Variants in CSMD1 observed in about 807,000 individuals in gnomAD.
CSMD1 encodes CUB and sushi domain-containing protein 1.
CSMD1 carries 213 observed loss-of-function variants against 417.5 expected under a neutral mutation model. The ratio of observed to expected loss-of-function variants is 0.51; its 90% CI spans 0.46 to 0.57. CSMD1 has a LOEUF of 0.57. CSMD1 is among the 20% of genes least tolerant of loss of function. The pLI, the probability that CSMD1 is intolerant of heterozygous loss-of-function variation, is 0.00. For synonymous variants in CSMD1, 2,862 were observed against 1,736.8 expected (o/e 1.65, Z -16.11); for missense variants, 6,923 against 4,529.7 (o/e 1.53, Z -15.17).
intron 5 of CSMD1, among the ~76,000 whole-genome samples, chr8:3,780,884 G>C (rs145256390): frequency 1.0e-3 from 154 of 152,326 alleles, no homozygotes; most frequent in African/African-American, 3.5e-3. Flanking sequence ...GCAGAGTGTG[G>C]AAGGGGTTTA....
At chr8:3,957,960 T>C (rs1812078918) in intron 5 of CSMD1, among the ~76,000 whole-genome samples, 1 of 152,194 alleles carries the variant, frequency 6.6e-6, no homozygotes, top group Non-Finnish European at 1.5e-5. Context: ...ATAAAATATT[T>C]GAAAATATTT....
chr8:4,733,698 C>G (rs1399148629), intron 1 of CSMD1, among the ~76,000 whole-genome samples: 3 of 152,148 alleles, frequency 2.0e-5, no homozygotes, highest in Non-Finnish European at 4.4e-5. Context: ...TTTCCTTTCT[C>G]CTATCTATGA....
At chr8:4,909,489 G>C (rs1563738629) in intron 1 of CSMD1, among the ~76,000 whole-genome samples, 1 of 152,150 alleles carries the variant, frequency 6.6e-6, no homozygotes, top group Non-Finnish European at 1.5e-5. Flanking sequence ...CCTTCTAGCA[G>C]AGATTTTTCC....
chr8:4,261,079 G>C (rs555623572), intron 3 of CSMD1, among the ~76,000 whole-genome samples: 9 of 152,212 alleles, frequency 5.9e-5, no homozygotes, highest in Non-Finnish European at 1.2e-4. Context: ...CTTGTTTTGT[G>C]CTATATATAA....
chr8:3,694,163 C>G (rs1407235836), intron 7 of CSMD1, among the ~76,000 whole-genome samples: 1 of 151,800 alleles, frequency 6.6e-6, no homozygotes, highest in African/African-American at 2.4e-5. Flanking sequence ...GAGAGGGGCT[C>G]ACAGATCTCA....
intron 2 of CSMD1, among the ~76,000 whole-genome samples, chr8:4,503,545 A>AT (rs1417453494): frequency 6.6e-6 from 1 of 152,190 alleles, no homozygotes; most frequent in Non-Finnish European, 1.5e-5. Flanking sequence ...CCAATAAATG[A>AT]TTTTGTCAAA....
rs73496670 is a variant in CSMD1 at position 4,509,585 on chromosome 8, G to A, written c.303-89520C>T. On this transcript the variant is annotated intron_variant, in intron 2 of 69. Coordinates refer to ENST00000635120, the MANE Select transcript of CSMD1 (RefSeq NM_033225.6). ...GTCAGGAAAGCCAGTCCTGCAGAGC[G>A]AAAGCAGACACACCCCAGCCAAGTC... 6.8e-3 allele frequency among the ~76,000 whole-genome samples: 1,040 copies of A among 152,244 alleles called. 15 individuals are homozygous for A. Among genetic ancestry groups the A allele is most frequent in the African/African-American group, 0.024 (989 of 41,520 alleles).
intron 26 of CSMD1, among the ~76,000 whole-genome samples, chr8:3,271,440 A>T (rs1463791520): frequency 6.6e-6 from 1 of 151,092 alleles, no homozygotes; most frequent in Non-Finnish European, 1.5e-5. Flanking sequence ...TTGGGTATAT[A>T]CCCAGTAATG....
intron 3 of CSMD1, among the ~76,000 whole-genome samples, chr8:4,090,292 A>G (rs1800647835): frequency 6.6e-6 from 1 of 152,236 alleles, no homozygotes; most frequent in Non-Finnish European, 1.5e-5. Flanking sequence ...AAGGAAAGTT[A>G]AAGCCACTAG....
In CSMD1 at chr8:4,191,288, C is replaced by T. The variant is rs182840843; in HGVS notation, c.416-159189G>A. Among the ~76,000 whole-genome samples, 226 of 151,994 alleles carry T rather than the reference C, an allele frequency of 1.5e-3. 7 individuals are homozygous for T. The East Asian group carries it at 0.037, about 25-fold the overall frequency. On this transcript the variant is annotated intron_variant, in intron 3 of 69. Transcript: ENST00000635120. ...GCAGGCACCTGTAGTCCCAGCTACT[C>T]GGGAGGCTGAGGCAGGAGAATGGCG...
chr8:4,307,708 C>A (rs758330810), intron 3 of CSMD1, among the ~76,000 whole-genome samples: 4 of 152,106 alleles, frequency 2.6e-5, no homozygotes, highest in African/African-American at 9.7e-5. Flanking sequence ...CAGCACGATG[C>A]TCTTGACCAT....
In CSMD1 at chr8:3,206,285, ATG is replaced by A. The variant is rs1429304185; in HGVS notation, c.4868-667_4868-666del. Among the ~76,000 whole-genome samples the A allele has an allele frequency of 7.7e-5, 8 of 103,778 alleles. No individual in the cohort carries two copies. The South Asian group carries it at 1.0e-3, about 13-fold the overall frequency. The allele number at this position is 103,778 out of a possible 152,430, so 68.1% of individuals were successfully genotyped here. ...TGTGGGGGGGTATGTCTCTGTGTGT[ATG>A]TGTGTGTGTGGGGTGTGTGTGTATC... On this transcript the variant is annotated intron_variant, in intron 30 of 69. Coordinates refer to ENST00000635120, the MANE Select transcript of CSMD1 (RefSeq NM_033225.6).
rs35172369 is a variant in CSMD1 at position 4,136,858 on chromosome 8, G to A, written c.416-104759C>T. Among the ~76,000 whole-genome samples, 1,163 of 152,286 alleles carry A rather than the reference G, an allele frequency of 7.6e-3. 7 individuals are homozygous for A. The highest frequency in any genetic ancestry group is 0.013 in the Non-Finnish European group (900 of 68,026). ...TTGACAAACTCTAGGTTTGCTTTGT[G>A]ATTATTTACGAATTTCAGAGAACAG... On this transcript the variant is annotated intron_variant, in intron 3 of 69. Coordinates refer to ENST00000635120, the MANE Select transcript of CSMD1 (RefSeq NM_033225.6).
At position 3,052,594 on chromosome 8, in the gene CSMD1, C is replaced by T. The variant is rs532940488; in HGVS notation, c.7528G>A (p.Glu2510Lys). 17 of 1,611,932 alleles carry T rather than the reference C, an allele frequency of 1.1e-5. No individual in the cohort carries two copies. Among genetic ancestry groups the T allele is most frequent in the East Asian group, 8.9e-5 (4 of 44,790 alleles). Residue 2510 changes from glutamate (E) to lysine (K), a missense_variant, in exon 50 of 70, where the codon GAG becomes AAG. Coordinates refer to ENST00000635120, the MANE Select transcript of CSMD1 (RefSeq NM_033225.6). The part of the protein sequence containing the change: ...SPGNGSFTGN[E>K]FTLDSKVVYE... The stretch of plus-strand genomic sequence containing the variant: ...ACCACTTTACTGTCCAAAGTGAACT[C>T]GTTCCCGGTAAATGAACCGTTTCCT...
intron 10 of CSMD1, among the ~76,000 whole-genome samples, chr8:3,522,551 A>C (rs1197311861): frequency 6.6e-6 from 1 of 152,140 alleles, no homozygotes; most frequent in Non-Finnish European, 1.5e-5. Flanking sequence ...TAAGTACTTT[A>C]TGACTGAGAA....
chr8:3,433,669 C>T (rs886723989), intron 12 of CSMD1, among the ~76,000 whole-genome samples: 3 of 152,176 alleles, frequency 2.0e-5, no homozygotes, highest in Non-Finnish European at 2.9e-5. Context: ...TGGTGAGATG[C>T]TTCTCTCTTA....
chr8:4,539,134 G>A (rs191780874), intron 2 of CSMD1, among the ~76,000 whole-genome samples: 2 of 152,140 alleles, frequency 1.3e-5, no homozygotes, highest in East Asian at 3.9e-4. Context: ...TGTGGAAAAA[G>A]CTAAAAATGG....
intron 1 of CSMD1, among the ~76,000 whole-genome samples, chr8:4,880,939 C>A (rs1197771870): frequency 2.6e-5 from 4 of 152,056 alleles, no homozygotes; most frequent in African/African-American, 4.8e-5. Flanking sequence ...ACTTAGCAAA[C>A]ACCCAGAATG....
At chr8:4,041,048 G>T (rs1407270773) in intron 3 of CSMD1, among the ~76,000 whole-genome samples, 4 of 122,224 alleles carry the variant, frequency 3.3e-5, no homozygotes, top group South Asian at 2.5e-4. Flanking sequence ...ACGGAGTCTC[G>T]CTCTGTCGCC....
Sources: gnomAD v4.1 joint callset for allele counts (sites outside exome capture counted in the v4.1 genomes callset) on GRCh38, gnomAD v4.1.1 for gene constraint, MANE v1.5 for transcripts, NCBI Gene and HGNC (gene_info 2026-07-23, HGNC 2026-07-21) for gene names.